EFNA5: variants seen among roughly 807,000 people sequenced by gnomAD.
EFNA5 encodes the protein ephrin A5.
EFNA5 carries 5 observed loss-of-function variants against 22.9 expected under a neutral mutation model. The observed-to-expected ratio is 0.22, with a 90% CI of 0.11 to 0.46. The LOEUF (loss-of-function observed/expected upper bound fraction) is 0.46. Ranked by LOEUF, EFNA5 falls within the 20% of genes least tolerant of loss-of-function variation. EFNA5 has a pLI of 0.99. For synonymous variants in EFNA5, 113 were observed against 112.2 expected (o/e 1.01, Z -0.04); for missense variants, 237 against 293.3 (o/e 0.81, Z 1.40).
intron 1 of EFNA5, among the ~76,000 whole-genome samples, chr5:107,615,172 A>T (rs1749887757): frequency 6.6e-6 from 1 of 152,170 alleles, no homozygotes; most frequent in Non-Finnish European, 1.5e-5. Context: ...TTAAAATGAC[A>T]AGGTAATCAC....
At chr5:107,427,555 C>T (rs769661006) in intron 1 of EFNA5, 46 bp from the exon 2 acceptor site, 3 of 1,519,696 alleles carry the variant, frequency 2.0e-6, no homozygotes, top group African/African-American at 1.4e-5. Flanking sequence ...AGAGAAAGGG[C>T]TTTCTGCTTG....
At chr5:107,592,032 A>G (rs1265471997) in intron 1 of EFNA5, among the ~76,000 whole-genome samples, 1 of 92,964 alleles carries the variant, frequency 1.1e-5, no homozygotes, top group Non-Finnish European at 1.9e-5. Flanking sequence ...TATATATTAT[A>G]TATTATATAT....
intron 1 of EFNA5, among the ~76,000 whole-genome samples, chr5:107,584,722 C>T (rs963653032): frequency 4.6e-5 from 7 of 152,290 alleles, no homozygotes; most frequent in Middle Eastern, 3.4e-3. Flanking sequence ...GTTGCTCCTG[C>T]TTGCTAGCCA....
intron 1 of EFNA5, among the ~76,000 whole-genome samples, chr5:107,556,069 T>C (rs1045331062): frequency 1.3e-5 from 2 of 152,206 alleles, no homozygotes; most frequent in East Asian, 1.9e-4. Flanking sequence ...CTTATACTAC[T>C]TACCGTCTAT....
At chr5:107,495,271 C>T (rs1190528685) in intron 1 of EFNA5, among the ~76,000 whole-genome samples, 4 of 152,130 alleles carry the variant, frequency 2.6e-5, no homozygotes, top group South Asian at 2.1e-4. Context: ...AGGAGCCCAC[C>T]GGGAGGAACG....
intron 2 of EFNA5, among the ~76,000 whole-genome samples, chr5:107,390,708 T>C (rs770995746): frequency 1.3e-5 from 2 of 150,802 alleles, no homozygotes; most frequent in Non-Finnish European, 3.0e-5. Context: ...CATAAATATA[T>C]ATAAATTTAT....
At chr5:107,442,489 T>C (rs1006240956) in intron 1 of EFNA5, among the ~76,000 whole-genome samples, 4 of 152,178 alleles carry the variant, frequency 2.6e-5, no homozygotes, top group Non-Finnish European at 5.9e-5. Context: ...CCCTGCCCTG[T>C]AAGAAGATTT....
intron 1 of EFNA5, among the ~76,000 whole-genome samples, chr5:107,619,909 A>G (rs1225625755): frequency 6.6e-6 from 1 of 152,170 alleles, no homozygotes; most frequent in Non-Finnish European, 1.5e-5. Context: ...CTTTGTTTCT[A>G]CCTCTGGCTA....
chr5:107,401,725 C>A (rs975254548), intron 2 of EFNA5, among the ~76,000 whole-genome samples: 2 of 152,112 alleles, frequency 1.3e-5, no homozygotes, highest in Non-Finnish European at 2.9e-5. Flanking sequence ...ACCTGAGTTA[C>A]AAGGAAATCA....
intron 1 of EFNA5, among the ~76,000 whole-genome samples, chr5:107,448,008 G>A (rs1224246884): frequency 6.6e-6 from 1 of 151,934 alleles, no homozygotes; most frequent in Non-Finnish European, 1.5e-5. Flanking sequence ...CACCACGCCG[G>A]GCTAATTTTT....
chr5:107,507,611 A>G (rs1747278000), intron 1 of EFNA5, among the ~76,000 whole-genome samples: 2 of 152,004 alleles, frequency 1.3e-5, no homozygotes, highest in African/African-American at 4.8e-5. Flanking sequence ...CCAAGGAAGG[A>G]GGACCGCTTG....
At chr5:107,482,112 C>T (rs950826140) in intron 1 of EFNA5, among the ~76,000 whole-genome samples, 1 of 152,100 alleles carries the variant, frequency 6.6e-6, no homozygotes, top group South Asian at 2.1e-4. Context: ...GAGTTTAAGA[C>T]CAGCCTGGGC....
At chr5:107,499,184 T>C (rs1443522997) in intron 1 of EFNA5, among the ~76,000 whole-genome samples, 1 of 151,644 alleles carries the variant, frequency 6.6e-6, no homozygotes, top group African/African-American at 2.4e-5. Flanking sequence ...AAAGATGAAA[T>C]TTTTTTTTAA....
At chr5:107,653,046 C>A (rs977424798) in intron 1 of EFNA5, among the ~76,000 whole-genome samples, 1 of 152,020 alleles carries the variant, frequency 6.6e-6, no homozygotes, top group Non-Finnish European at 1.5e-5. Context: ...TCCGACATGA[C>A]AGCTGAAAGA....
At chr5:107,592,025 AT>A (rs1257058339) in intron 1 of EFNA5, among the ~76,000 whole-genome samples, 748 of 51,940 alleles carry the variant, frequency 0.014, 110 homozygotes, top group Non-Finnish European at 0.018. Flanking sequence ...AATATAATAT[AT>A]ATTATATATT....
At chr5:107,391,919 C>T (rs1215569975) in intron 2 of EFNA5, among the ~76,000 whole-genome samples, 1 of 152,196 alleles carries the variant, frequency 6.6e-6, no homozygotes, top group Non-Finnish European at 1.5e-5. Flanking sequence ...TCCATGACCT[C>T]AGACAGGGGC....
intron 1 of EFNA5, among the ~76,000 whole-genome samples, chr5:107,586,322 C>G (rs545784096): frequency 1.3e-5 from 2 of 151,906 alleles, no homozygotes; most frequent in South Asian, 4.2e-4. Flanking sequence ...AAAACTAGAC[C>G]AAAGAAAGAA....
chr5:107,585,788 G>T (rs1409872859), intron 1 of EFNA5, among the ~76,000 whole-genome samples: 1 of 152,154 alleles, frequency 6.6e-6, no homozygotes, highest in South Asian at 2.1e-4. Flanking sequence ...ACAGAAATTA[G>T]CCCTAAATGT....
intron 1 of EFNA5, among the ~76,000 whole-genome samples, chr5:107,431,636 A>C (rs1464536311): frequency 6.6e-6 from 1 of 152,198 alleles, no homozygotes; most frequent in African/African-American, 2.4e-5. Flanking sequence ...CTCAGAACCA[A>C]AGCTCTTCAC....
Sources: allele counts gnomAD v4.1 joint callset (sites outside exome capture counted in the v4.1 genomes callset), GRCh38; gene constraint gnomAD v4.1.1; transcripts MANE v1.5; gene names NCBI Gene and HGNC (gene_info 2026-07-23, HGNC 2026-07-21).